The following PTGER3 variants were observed in gnomAD, a reference collection of about 807,000 sequenced individuals.
PTGER3 encodes the protein prostaglandin E2 receptor EP3 subtype.
PTGER3 carries 22 observed loss-of-function variants against 34.7 expected under a neutral mutation model. That is an observed-to-expected ratio of 0.63 (90% CI 0.45 to 0.91). PTGER3 has a LOEUF of 0.91. Among genes scored for constraint, PTGER3 ranks in the 40% least tolerant of loss-of-function variants. The pLI, the probability that PTGER3 is intolerant of heterozygous loss-of-function variation, is 0.00. For synonymous variants in PTGER3, 241 were observed against 230.1 expected (o/e 1.05, Z -0.43); for missense variants, 468 against 519.4 (o/e 0.90, Z 0.96).
At chr1:70,901,253 C>T (rs992015928) in intron 4 of PTGER3, among the ~76,000 whole-genome samples, 1 of 152,110 alleles carries the variant, frequency 6.6e-6, no homozygotes, top group African/African-American at 2.4e-5. Flanking sequence ...TAAGCTGTCC[C>T]TAAATTCGCA....
Position 71,008,449 on chromosome 1 carries a change from G to T in PTGER3, c.1077+3856C>A, listed in dbSNP as rs560139247. 7 of 895,672 alleles carry T rather than the reference G, an allele frequency of 7.8e-6. No individual in the cohort carries two copies. In the African/African-American group the frequency reaches 1.1e-4, roughly 14 times the overall value. The allele number at this position is 895,672 out of a possible 1,614,324, so 55.5% of individuals were successfully genotyped here. A position where few individuals can be genotyped will look rare whatever the true frequency, so the allele number is the denominator to read the frequency against. ...TCTTCATTTTAGGAATTATAAAAGG[G>T]AATATATCAAATAAAATATTTTCCC... is the stretch of plus-strand genomic sequence containing the variant. On this transcript the variant is annotated intron_variant, in intron 2 of 3. Transcript: ENST00000306666.
intron 4 of PTGER3, among the ~76,000 whole-genome samples, chr1:70,886,700 A>G (rs1247267646): frequency 1.3e-5 from 2 of 152,164 alleles, no homozygotes; most frequent in East Asian, 3.8e-4. Context: ...TGTCTCCCCT[A>G]ACTAGAATAA....
intron 2 of PTGER3, among the ~76,000 whole-genome samples, chr1:70,982,858 G>T (rs1243413421): frequency 6.6e-6 from 1 of 152,086 alleles, no homozygotes; most frequent in Non-Finnish European, 1.5e-5. Flanking sequence ...ATAGGTGATA[G>T]AGTTGTTAAT....
chr1:70,862,620 T>G (rs908759072), intron 4 of PTGER3, among the ~76,000 whole-genome samples: 2 of 152,140 alleles, frequency 1.3e-5, no homozygotes, highest in Non-Finnish European at 2.9e-5. Flanking sequence ...AAGAAGGGAA[T>G]GCTCTAGACC....
intron 4 of PTGER3, among the ~76,000 whole-genome samples, chr1:70,922,315 T>C (rs1647609776): frequency 6.6e-6 from 1 of 152,120 alleles, no homozygotes; most frequent in Non-Finnish European, 1.5e-5. Flanking sequence ...GGAAGGTTTA[T>C]GACAAGTCAG....
intron 2 of PTGER3, among the ~76,000 whole-genome samples, chr1:70,961,135 G>T (rs149633678): frequency 3.6e-4 from 55 of 152,274 alleles, no homozygotes; most frequent in Non-Finnish European, 6.2e-4. Context: ...CTGATGAGAA[G>T]AATCACCTGG....
chr1:71,023,849 C>T (rs1157002946), intron 1 of PTGER3, among the ~76,000 whole-genome samples: 1 of 151,526 alleles, frequency 6.6e-6, no homozygotes, highest in Non-Finnish European at 1.5e-5. Context: ...TCTATCACTT[C>T]TCTCATTTAC....
intron 2 of PTGER3, among the ~76,000 whole-genome samples, chr1:70,960,454 A>G (rs1397039659): frequency 6.6e-6 from 1 of 152,124 alleles, no homozygotes; most frequent in African/African-American, 2.4e-5. Context: ...TTGCCCTTCC[A>G]AAAGGTGAAA....
chr1:71,045,620 G>A (rs1284464536), intron 1 of PTGER3, among the ~76,000 whole-genome samples: 1 of 152,188 alleles, frequency 6.6e-6, no homozygotes, highest in East Asian at 1.9e-4. Context: ...GCAGGTGTTA[G>A]GCAAAGAGCC....
chr1:70,969,669 G>A (rs76470974), downstream of PTGER3, among the ~76,000 whole-genome samples: 2,375 of 152,254 alleles, frequency 0.016, 62 homozygotes, highest in African/African-American at 0.054. Flanking sequence ...ACATGTGGGA[G>A]GTGGGTAGGT....
chr1:70,954,145 C>T (rs907212130), intron 2 of PTGER3, among the ~76,000 whole-genome samples: 6 of 152,118 alleles, frequency 3.9e-5, no homozygotes, highest in African/African-American at 1.4e-4. Context: ...ACTAAGATAG[C>T]TGCATTTTAA....
intron 2 of PTGER3, among the ~76,000 whole-genome samples, chr1:70,991,105 C>G (rs1441415034): frequency 6.6e-6 from 1 of 152,098 alleles, no homozygotes; most frequent in African/African-American, 2.4e-5. Flanking sequence ...CAATTCTTCT[C>G]TCTCAGACAC....
intron 4 of PTGER3, among the ~76,000 whole-genome samples, chr1:70,936,720 G>A (rs1300587637): frequency 1.3e-5 from 2 of 152,148 alleles, no homozygotes; most frequent in African/African-American, 4.8e-5. Context: ...AATTTTAGGT[G>A]TTCTTCACTG....
chr1:70,886,028 A>G (rs1489585996), intron 4 of PTGER3, among the ~76,000 whole-genome samples: 1 of 152,196 alleles, frequency 6.6e-6, no homozygotes, highest in Non-Finnish European at 1.5e-5. Context: ...GAGATTGCTA[A>G]AGACTGCATA....
At chr1:71,006,091 G>T (rs1656932041) in intron 2 of PTGER3, 4 of 872,192 alleles carry the variant, frequency 4.6e-6, no homozygotes, top group Non-Finnish European at 5.5e-6. Flanking sequence ...CAGGAGTATA[G>T]AACACTGGAA....
intron 1 of PTGER3, among the ~76,000 whole-genome samples, chr1:71,024,291 G>A (rs1022527): frequency 0.37 from 56,858 of 151,968 alleles, 11,547 homozygotes; most frequent in South Asian, 0.47. Flanking sequence ...GACTTATTTC[G>A]TGCGTGGTCT....
At chr1:70,881,138 C>T (rs147304976) in intron 4 of PTGER3, among the ~76,000 whole-genome samples, 51 of 152,190 alleles carry the variant, frequency 3.4e-4, no homozygotes, top group African/African-American at 1.2e-3. Context: ...TTTTGTCTGA[C>T]GGAGTTATTT....
intron 4 of PTGER3, among the ~76,000 whole-genome samples, chr1:70,935,280 T>A (rs1313577918): frequency 1.3e-5 from 2 of 152,204 alleles, no homozygotes; most frequent in Non-Finnish European, 2.9e-5. Flanking sequence ...TATACAAGAA[T>A]CTAAATATTC....
At chr1:70,978,731 A>G (rs1001916263) in intron 2 of PTGER3, among the ~76,000 whole-genome samples, 35 of 152,154 alleles carry the variant, frequency 2.3e-4, no homozygotes, top group African/African-American at 8.2e-4. Context: ...TTTGCAGGGT[A>G]TATTCTGAGC....
Sources: gnomAD v4.1 joint callset for allele counts (sites outside exome capture counted in the v4.1 genomes callset) on GRCh38, gnomAD v4.1.1 for gene constraint, MANE v1.5 for transcripts, NCBI Gene and HGNC (gene_info 2026-07-23, HGNC 2026-07-21) for gene names.